The following NRXN1 variants were observed in gnomAD, a reference collection of about 807,000 sequenced individuals.
NRXN1 encodes the protein neurexin 1.
In NRXN1, 39 loss-of-function variants were observed where a neutral mutation model predicts 150.9. The ratio of observed to expected loss-of-function variants is 0.26; its 90% CI spans 0.20 to 0.34. The LOEUF (loss-of-function observed/expected upper bound fraction) is 0.34, where lower values mean the gene tolerates loss of function less well. Ranked by LOEUF, NRXN1 falls within the 10% of genes least tolerant of loss-of-function variation. The probability of loss-of-function intolerance (pLI) is 1.00; values close to 1 mark genes in which losing one functional copy is unlikely to be tolerated. For missense variants in NRXN1, 1,815 were observed against 1,949.9 expected (o/e 0.93, Z 1.30); for synonymous variants, 924 against 757.0 (o/e 1.22, Z -3.62).
chr2:50,824,518 A>G (rs1670178212), intron 5 of NRXN1, among the ~76,000 whole-genome samples: 2 of 152,080 alleles, frequency 1.3e-5, no homozygotes, highest in South Asian at 4.1e-4. Flanking sequence ...TGCTTTTAAA[A>G]CTCTAGTATG....
chr2:50,424,219 GAGAAGA>G (rs1229065528), intron 17 of NRXN1, among the ~76,000 whole-genome samples: 25 of 107,184 alleles, frequency 2.3e-4, no homozygotes, highest in South Asian at 4.0e-4. Flanking sequence ...GGAGGAGAAG[GAGAAGA>G]AGAAGAAGAA....
At chr2:50,559,344 T>G (rs916894266) in intron 8 of NRXN1, among the ~76,000 whole-genome samples, 4 of 152,170 alleles carry the variant, frequency 2.6e-5, no homozygotes, top group African/African-American at 9.7e-5. Context: ...ATTACAACTT[T>G]CATCCCCAAC....
chr2:50,370,613 A>T (rs2079948923), intron 17 of NRXN1, among the ~76,000 whole-genome samples: 1 of 151,880 alleles, frequency 6.6e-6, no homozygotes. Context: ...CTCCTTCTAA[A>T]TTTTTTTCTA....
chr2:50,770,225 AAC>A (rs1491480666), intron 5 of NRXN1, among the ~76,000 whole-genome samples: 3 of 152,170 alleles, frequency 2.0e-5, no homozygotes, highest in African/African-American at 7.2e-5. Flanking sequence ...ACTCTGAGAA[AAC>A]AGAGTCTATT....
intron 19 of NRXN1, among the ~76,000 whole-genome samples, chr2:50,056,739 T>C (rs1226350897): frequency 6.6e-6 from 1 of 152,186 alleles, no homozygotes; most frequent in African/African-American, 2.4e-5. Context: ...ATCAATTACA[T>C]GTTTTTGGCT....
intron 2 of NRXN1, among the ~76,000 whole-genome samples, chr2:50,935,857 A>G (rs1345619464): frequency 6.6e-6 from 1 of 152,212 alleles, no homozygotes; most frequent in African/African-American, 2.4e-5. Context: ...TATAATAAAA[A>G]TTTATAATAG....
intron 5 of NRXN1, among the ~76,000 whole-genome samples, chr2:50,886,872 G>A (rs1250726370): frequency 6.6e-6 from 1 of 151,274 alleles, no homozygotes; most frequent in Admixed American, 6.6e-5. Flanking sequence ...ATAAATTAGG[G>A]TTATTATCTC....
At chr2:50,884,196 T>C (rs1309893225) in intron 5 of NRXN1, among the ~76,000 whole-genome samples, 5 of 151,870 alleles carry the variant, frequency 3.3e-5, no homozygotes, top group Admixed American at 3.3e-4. Flanking sequence ...GGAAAAACAC[T>C]AAGAAAAATC....
At chr2:50,520,496 A>T (rs1386976345) in intron 12 of NRXN1, among the ~76,000 whole-genome samples, 1 of 151,960 alleles carries the variant, frequency 6.6e-6, no homozygotes, top group Non-Finnish European at 1.5e-5. Flanking sequence ...CAATCTCACC[A>T]GCAGATATAA....
chr2:50,706,469 C>A (rs1203615865), intron 5 of NRXN1, among the ~76,000 whole-genome samples: 1 of 151,822 alleles, frequency 6.6e-6, no homozygotes, highest in Non-Finnish European at 1.5e-5. Flanking sequence ...AACTTGATAG[C>A]AATTGGAGAA....
chr2:50,666,822 G>A lies in NRXN1; in HGVS notation c.833-43207C>T, dbSNP rs1688087826. On this transcript the variant is annotated intron_variant, in intron 5 of 22. Transcript: ENST00000401669. Reference sequence around the variant, plus strand: ...GGTAGACAGTATACATTAGTTCCAAGTTCCAGAGCATAAAATAATGATGAT... The same window carrying A: ...GGTAGACAGTATACATTAGTTCCAAATTCCAGAGCATAAAATAATGATGAT... Among the ~76,000 whole-genome samples the A allele has an allele frequency of 2.0e-5, 3 of 149,798 alleles. No homozygotes were observed. The Admixed American group carries it at 2.0e-4, about 10-fold the overall frequency.
intron 5 of NRXN1, among the ~76,000 whole-genome samples, chr2:50,869,243 CCAATT>C (rs1346230121): frequency 1.3e-5 from 2 of 151,598 alleles, no homozygotes; most frequent in Non-Finnish European, 3.0e-5. Flanking sequence ...GAAAAACAAA[CCAATT>C]CATTGGAATT....
chr2:50,847,112 C>G (rs541746993), intron 5 of NRXN1, among the ~76,000 whole-genome samples: 1 of 152,054 alleles, frequency 6.6e-6, no homozygotes. Flanking sequence ...ACATGAGGGT[C>G]TTGTGACATG....
intron 2 of NRXN1, among the ~76,000 whole-genome samples, chr2:51,005,933 G>A (rs936833911): frequency 1.3e-5 from 2 of 151,688 alleles, no homozygotes; most frequent in South Asian, 4.1e-4. Flanking sequence ...TGAAAGTGAA[G>A]AGAAGACAAA....
chr2:50,143,452 TA>T (rs370837372), intron 18 of NRXN1, among the ~76,000 whole-genome samples: 5 of 151,958 alleles, frequency 3.3e-5, no homozygotes, highest in African/African-American at 9.7e-5. Flanking sequence ...TGGAAGACAC[TA>T]ATTTATTATG....
chr2:50,589,429 T>G (rs1333926855), intron 8 of NRXN1: 1 of 152,154 alleles, frequency 6.6e-6, no homozygotes, highest in African/African-American at 2.4e-5. Flanking sequence ...TGGACATGGC[T>G]CACTGCAACC....
chr2:50,311,285 A>G (rs1036697381), intron 17 of NRXN1, among the ~76,000 whole-genome samples: 1 of 152,198 alleles, frequency 6.6e-6, no homozygotes, highest in African/African-American at 2.4e-5. Flanking sequence ...ACAGAAAAGC[A>G]TGCATCATAG....
intron 5 of NRXN1, among the ~76,000 whole-genome samples, chr2:50,720,067 C>A (rs1414729391): frequency 6.6e-6 from 1 of 152,188 alleles, no homozygotes; most frequent in African/African-American, 2.4e-5. Context: ...ACATTTTCAG[C>A]CTGCACAAGA....
intron 5 of NRXN1, among the ~76,000 whole-genome samples, chr2:50,826,045 G>C (rs949534000): frequency 4.6e-5 from 7 of 152,186 alleles, no homozygotes; most frequent in Admixed American, 2.0e-4. Context: ...TATAGACAGA[G>C]AATGAATTCT....
Sources: gnomAD v4.1 joint callset for allele counts (sites outside exome capture counted in the v4.1 genomes callset) on GRCh38, gnomAD v4.1.1 for gene constraint, MANE v1.5 for transcripts, NCBI Gene and HGNC (gene_info 2026-07-23, HGNC 2026-07-21) for gene names.